SLC2A9: variants seen among roughly 807,000 people sequenced by gnomAD.
SLC2A9 encodes solute carrier family 2, facilitated glucose transporter member 9.
In SLC2A9, 39 loss-of-function variants were observed where a neutral mutation model predicts 50.6. The observed-to-expected ratio is 0.77, with a 90% CI of 0.60 to 1.01. The LOEUF is 1.01. Among genes scored for constraint, SLC2A9 ranks in the 50% least tolerant of loss-of-function variants. The probability of loss-of-function intolerance (pLI) is 0.00; values close to 1 mark genes in which losing one functional copy is unlikely to be tolerated. For synonymous variants in SLC2A9, 324 were observed against 276.9 expected, an observed-to-expected ratio of 1.17 and a Z score of -1.69; for missense variants, 686 against 677.6, an observed-to-expected ratio of 1.01 and a Z score of -0.14.
chr4:9,793,936 G>C (rs1052650157), intron 3 of SLC2A9, among the ~76,000 whole-genome samples: 1 of 152,132 alleles, frequency 6.6e-6, no homozygotes, highest in African/African-American at 2.4e-5. Flanking sequence ...AGACAACAAG[G>C]AATGAACATC....
chr4:9,801,200 G>A (rs183395717), intron 3 of SLC2A9, among the ~76,000 whole-genome samples: 13 of 151,720 alleles, frequency 8.6e-5, no homozygotes, highest in Admixed American at 5.9e-4. Flanking sequence ...CCTGGCAGGT[G>A]AGCAAAGCTA....
chr4:10,018,350 G>T (rs3775944), intron 2 of SLC2A9, among the ~76,000 whole-genome samples: 116,869 of 152,136 alleles, frequency 0.77, 45,238 homozygotes, highest in Non-Finnish European at 0.82. Flanking sequence ...TTCCAGACCA[G>T]CCTAGCCAAT....
chr4:9,908,517 C>CT (rs897523269), intron 7 of SLC2A9, among the ~76,000 whole-genome samples, 172 bp from the exon 8 acceptor site: 2 of 150,916 alleles, frequency 1.3e-5, no homozygotes, highest in East Asian at 1.9e-4. Flanking sequence ...TTCTTCATTA[C>CT]TTTTTTTCCT....
intron 3 of SLC2A9, among the ~76,000 whole-genome samples, chr4:9,785,181 C>A (rs1719061882): frequency 6.6e-6 from 1 of 152,166 alleles, no homozygotes; most frequent in African/African-American, 2.4e-5. Context: ...TTGAGTGAGT[C>A]AATTAACCTT....
At chr4:9,989,201 C>G (rs989886330) in intron 3 of SLC2A9, among the ~76,000 whole-genome samples, 1 of 152,162 alleles carries the variant, frequency 6.6e-6, no homozygotes, top group African/African-American at 2.4e-5. Context: ...ATTACATATG[C>G]CTGGCAAAAC....
chr4:9,778,271 C>T (rs1171246331), downstream of SLC2A9, among the ~76,000 whole-genome samples: 4 of 152,174 alleles, frequency 2.6e-5, no homozygotes, highest in African/African-American at 4.8e-5. Flanking sequence ...AGACACATCC[C>T]ACCACGCCTG....
chr4:9,793,527 A>T lies in SLC2A9; in HGVS notation n.386-13462T>A, dbSNP rs144833351. Among the ~76,000 whole-genome samples, 503 of 152,354 alleles carry T rather than the reference A, an allele frequency of 3.3e-3. 4 individuals carry two copies. The highest frequency in any genetic ancestry group is 0.011 in the African/African-American group (476 of 41,588). On this transcript the variant is annotated intron_variant and non_coding_transcript_variant, in intron 3 of 3. Transcript: ENST00000503803. ...CTTTCACAATATCCCATTAAGATAG[A>T]ACATTGTTGAATTATTTGTGGATTA...
chr4:9,888,958 G>A (rs1185630607), intron 9 of SLC2A9, among the ~76,000 whole-genome samples: 9 of 152,194 alleles, frequency 5.9e-5, no homozygotes, highest in African/African-American at 1.7e-4. Context: ...CTGCCCCTGG[G>A]TGCCAGGCAC....
intron 7 of SLC2A9, among the ~76,000 whole-genome samples, chr4:9,911,985 T>C (rs1458451152): frequency 3.3e-5 from 5 of 152,268 alleles, no homozygotes; most frequent in South Asian, 4.2e-4. Context: ...TTCATGTCCT[T>C]TGTAGGGACA....
intron 5 of SLC2A9, among the ~76,000 whole-genome samples, chr4:9,968,929 T>C (rs926289012): frequency 8.5e-5 from 13 of 152,210 alleles, no homozygotes; most frequent in African/African-American, 3.1e-4. Context: ...TTAAGATCTA[T>C]AATTATCACT....
intron 5 of SLC2A9, among the ~76,000 whole-genome samples, chr4:9,959,675 CTAAAA>C (rs1751935802): frequency 6.6e-6 from 1 of 152,124 alleles, no homozygotes; most frequent in Admixed American, 6.5e-5. Flanking sequence ...ATTGTTTTGA[CTAAAA>C]TAATTTAAAA....
In SLC2A9 at chr4:9,980,745, G is replaced by C; in HGVS notation, c.536-8C>G. On this transcript the variant is annotated splice_polypyrimidine_tract_variant and splice_region_variant and intron_variant, in intron 4 of 11. Transcript: ENST00000264784. ...GCACACTGAGGGCGACGCCTGTAGA[G>C]AGAAAGCATAGCAGCAGTTAGAGAG... 2 of 1,614,214 alleles carry C rather than the reference G, an allele frequency of 1.2e-6. No individual in the cohort carries two copies.
At chr4:9,811,708 G>T (rs779754836) in intron 3 of SLC2A9, among the ~76,000 whole-genome samples, 1 of 152,172 alleles carries the variant, frequency 6.6e-6, no homozygotes, top group Non-Finnish European at 1.5e-5. Flanking sequence ...TGTAAGGAAA[G>T]AAAAGGTTGT....
intron 8 of SLC2A9, among the ~76,000 whole-genome samples, chr4:9,902,972 C>A (rs192688256): frequency 7.2e-5 from 11 of 152,270 alleles, no homozygotes; most frequent in Admixed American, 7.2e-4. Flanking sequence ...CATGACAATA[C>A]CTGCTGAGGC....
chr4:9,803,644 C>T (rs553753701), intron 3 of SLC2A9, among the ~76,000 whole-genome samples: 4 of 152,282 alleles, frequency 2.6e-5, no homozygotes, highest in African/African-American at 9.6e-5. Context: ...ACACTCTGAC[C>T]TCTTACTGCA....
chr4:9,911,260 C>G (rs367901944), intron 7 of SLC2A9, among the ~76,000 whole-genome samples: 1 of 152,114 alleles, frequency 6.6e-6, no homozygotes, highest in African/African-American at 2.4e-5. Flanking sequence ...CTACAGGGGT[C>G]CTGCCGGGCT....
At chr4:9,885,056 T>C (rs370298809) in intron 10 of SLC2A9, among the ~76,000 whole-genome samples, 10 of 152,054 alleles carry the variant, frequency 6.6e-5, no homozygotes, top group African/African-American at 2.4e-4. Context: ...TCAGGAAAAA[T>C]AGCTAATGCA....
chr4:9,957,133 T>C (rs904993420), intron 5 of SLC2A9, among the ~76,000 whole-genome samples: 3 of 152,026 alleles, frequency 2.0e-5, no homozygotes, highest in African/African-American at 7.3e-5. Context: ...AACCAGAAGA[T>C]GGGGTTCATT....
chr4:9,966,719 A>G (rs1027334049), intron 5 of SLC2A9, among the ~76,000 whole-genome samples: 1 of 152,226 alleles, frequency 6.6e-6, no homozygotes, highest in African/African-American at 2.4e-5. Flanking sequence ...GAAACAAATT[A>G]TAACTCATAA....
Sources: gnomAD v4.1 joint callset for allele counts (sites outside exome capture counted in the v4.1 genomes callset) on GRCh38, gnomAD v4.1.1 for gene constraint, MANE v1.5 for transcripts, NCBI Gene and HGNC (gene_info 2026-07-23, HGNC 2026-07-21) for gene names.